The following ZNF521 variants were observed in gnomAD, a reference collection of about 807,000 sequenced individuals.
The protein encoded by ZNF521 is zinc finger protein 521.
ZNF521 carries 14 observed loss-of-function variants against 105.5 expected under a neutral mutation model. That is an observed-to-expected ratio of 0.13 (90% CI 0.09 to 0.21). The LOEUF (loss-of-function observed/expected upper bound fraction) is 0.21. ZNF521 is among the 10% of genes least tolerant of loss of function. ZNF521 has a pLI of 1.00. For synonymous variants in ZNF521, 635 were observed against 606.0 expected, an observed-to-expected ratio of 1.05 and a Z score of -0.70; for missense variants, 1,233 against 1,629.7, an observed-to-expected ratio of 0.76 and a Z score of 4.19.
chr18:25,255,042 G>C (rs1175232860), intron 3 of ZNF521, among the ~76,000 whole-genome samples: 1 of 152,098 alleles, frequency 6.6e-6, no homozygotes, highest in African/African-American at 2.4e-5. Context: ...CAAAGCATGT[G>C]TATTGTCTAT....
At chr18:25,208,301 G>A (rs1225314389) in intron 4 of ZNF521, among the ~76,000 whole-genome samples, 2 of 152,164 alleles carry the variant, frequency 1.3e-5, no homozygotes, top group African/African-American at 4.8e-5. Context: ...AACAATGCTT[G>A]CCACACATTT....
intron 2 of ZNF521, among the ~76,000 whole-genome samples, chr18:25,328,448 C>T (rs956499823): frequency 8.8e-5 from 13 of 148,452 alleles, no homozygotes; most frequent in African/African-American, 3.0e-4. Context: ...CACACACACA[C>T]GCATTCACTT....
chr18:25,195,262 A>C lies in ZNF521; in HGVS notation c.3574-18T>G. The stretch of plus-strand genomic sequence containing the variant: ...GTCTTCTTCTGAGAAAACAAGTATA[A>C]ACAGAGTTACTTAGACACATGGACT... On this transcript the variant is annotated intron_variant, in intron 4 of 7. Coordinates refer to ENST00000361524, the MANE Select transcript of ZNF521 (RefSeq NM_015461.3). 1 of 1,548,914 alleles carries C rather than the reference A, an allele frequency of 6.5e-7. No individual in the cohort carries two copies. The highest frequency in any genetic ancestry group is 2.3e-5 in the East Asian group (1 of 42,652).
At chr18:25,351,883 G>GGTGGCAGCA (rs1555669417) in intron 1 of ZNF521, 122 bp downstream of exon 1, 2 of 274,748 alleles carry the variant, frequency 7.3e-6, no homozygotes, top group Non-Finnish European at 1.5e-5. Context: ...CGGCAGCGGC[G>GGTGGCAGCA]GCGGCAGCAG....
chr18:25,069,241 T>G (rs1306536367), intron 7 of ZNF521, among the ~76,000 whole-genome samples: 1 of 152,148 alleles, frequency 6.6e-6, no homozygotes, highest in East Asian at 1.9e-4. Flanking sequence ...GCTAGTAAAA[T>G]AGTTTTAAAA....
chr18:25,338,241 A>G (rs560305799), intron 2 of ZNF521, among the ~76,000 whole-genome samples: 18 of 140,646 alleles, frequency 1.3e-4, no homozygotes, highest in Non-Finnish European at 2.5e-4. Flanking sequence ...TTGAATTCAA[A>G]CAACCTCTCA....
chr18:25,298,386 T>C (rs1433016287), intron 3 of ZNF521, among the ~76,000 whole-genome samples: 1 of 152,176 alleles, frequency 6.6e-6, no homozygotes, highest in Non-Finnish European at 1.5e-5. Flanking sequence ...CAGAGTAAAT[T>C]TGAGGTTAGA....
At chr18:25,333,165 T>C (rs1177822845) in intron 2 of ZNF521, among the ~76,000 whole-genome samples, 1 of 151,794 alleles carries the variant, frequency 6.6e-6, no homozygotes, top group Non-Finnish European at 1.5e-5. Flanking sequence ...CCAGATAATC[T>C]CCAAATATGC....
At chr18:25,078,698 T>C (rs992133142) in intron 7 of ZNF521, among the ~76,000 whole-genome samples, 6 of 152,204 alleles carry the variant, frequency 3.9e-5, no homozygotes, top group African/African-American at 1.4e-4. Flanking sequence ...CAGACCCGGA[T>C]TTGATTTATC....
chr18:25,306,115 C>G lies in ZNF521; in HGVS notation c.220+15893G>C, dbSNP rs541557311. On this transcript the variant is annotated intron_variant, in intron 3 of 7. Transcript: ENST00000361524. ...CCATTACACTGACATTTCTACCAGT[C>G]CCATTAACCACACAACACTTTTTAC... Among the ~76,000 whole-genome samples the G allele has an allele frequency of 3.9e-4, 59 of 152,340 alleles. 1 individual carries two copies. The highest frequency in any genetic ancestry group is 7.4e-4 in the Non-Finnish European group (50 of 68,022).
At chr18:25,312,939 C>T (rs1211167732) in intron 3 of ZNF521, among the ~76,000 whole-genome samples, 1 of 152,132 alleles carries the variant, frequency 6.6e-6, no homozygotes, top group Non-Finnish European at 1.5e-5. Flanking sequence ...ACACACTCAG[C>T]CCCACCACTT....
At chr18:25,336,924 C>T (rs575687189) in intron 2 of ZNF521, among the ~76,000 whole-genome samples, 1 of 152,324 alleles carries the variant, frequency 6.6e-6, no homozygotes, top group East Asian at 1.9e-4. Context: ...CACTAATTAA[C>T]TCTTAATTCT....
At chr18:25,131,033 A>T (rs999598580) in intron 5 of ZNF521, among the ~76,000 whole-genome samples, 3 of 152,106 alleles carry the variant, frequency 2.0e-5, no homozygotes, top group African/African-American at 7.2e-5. Context: ...TCTCCATGGT[A>T]TACTTATGTG....
At chr18:25,182,617 C>G (rs2035651154) in intron 5 of ZNF521, among the ~76,000 whole-genome samples, 1 of 152,070 alleles carries the variant, frequency 6.6e-6, no homozygotes, top group African/African-American at 2.4e-5. Flanking sequence ...AATCTCAAAA[C>G]AAAATGTACT....
chr18:25,204,815 G>C (rs1251833306), intron 4 of ZNF521, among the ~76,000 whole-genome samples: 2 of 152,008 alleles, frequency 1.3e-5, no homozygotes, highest in Non-Finnish European at 2.9e-5. Flanking sequence ...AGTCCACTGA[G>C]ACCTTCCAAA....
chr18:25,275,412 G>C (rs1909964902), intron 3 of ZNF521, among the ~76,000 whole-genome samples: 1 of 152,140 alleles, frequency 6.6e-6, no homozygotes, highest in African/African-American at 2.4e-5. Context: ...GCAAACTAGT[G>C]AACAAATGAA....
chr18:25,320,728 TG>T lies in ZNF521; in HGVS notation c.220+1279del, dbSNP rs1912893956. Among the ~76,000 whole-genome samples the T allele has an allele frequency of 2.0e-5, 3 of 152,336 alleles. No individual in the cohort carries two copies. The South Asian group carries it at 6.2e-4, about 32-fold the overall frequency. On this transcript the variant is annotated intron_variant, in intron 3 of 7. Transcript: ENST00000361524. ...TATTTTTTCAAGTTTTCTGTATGTT[TG>T]GAATTGTATCAAAATAAAAGTTGCT...
Position 25,226,389 on chromosome 18 carries a change from C to T in ZNF521, c.1529G>A (p.Ser510Asn), listed in dbSNP as rs775880571. The change falls in exon 4 of 8, where the codon AGT becomes AAT. Residue 510 changes from serine (S) to asparagine (N), a missense_variant. By Grantham distance (46) the Ser-to-Asn change is conservative. Coordinates refer to ENST00000361524, the MANE Select transcript of ZNF521 (RefSeq NM_015461.3). The surrounding 1 kb of genome is among the most constrained non-coding windows in gnomAD (Gnocchi z 4.1). ...GCAATGGGGACAAAAGAATGCATTA[C>T]TATCTTTAGCTGCAGGGTTTGCAAA... ...HGFANPAAKD[S>N]NAFFCPHCYM... 1.7e-5 allele frequency: 28 copies of T among 1,614,140 alleles called. No individual in the cohort carries two copies. The highest frequency in any genetic ancestry group is 2.4e-5 in the Non-Finnish European group (28 of 1,180,018).
intron 5 of ZNF521, among the ~76,000 whole-genome samples, chr18:25,117,595 TA>T (rs546980724): frequency 2.0e-3 from 302 of 152,120 alleles, no homozygotes; most frequent in Middle Eastern, 3.4e-3. Flanking sequence ...TATAAAAGGG[TA>T]TCAAATGGAA....
Sources: allele counts gnomAD v4.1 joint callset (sites outside exome capture counted in the v4.1 genomes callset), GRCh38; gene constraint gnomAD v4.1.1; non-coding constraint Gnocchi (gnomAD v3.1); transcripts MANE v1.5; gene names NCBI Gene and HGNC (gene_info 2026-07-23, HGNC 2026-07-21).